KCNK7: variants seen among roughly 807,000 people sequenced by gnomAD.
The protein encoded by KCNK7 is potassium two pore domain channel subfamily K member 7.
A neutral mutation model predicts 18.1 loss-of-function variants in KCNK7; 14 were observed. That is an observed-to-expected ratio of 0.77 (90% CI 0.51 to 1.21). KCNK7 has a LOEUF of 1.21. Ranked by LOEUF, KCNK7 falls within the 50% of genes most tolerant of loss-of-function variation. The probability of loss-of-function intolerance (pLI) is 0.00; values close to 1 mark genes in which losing one functional copy is unlikely to be tolerated. For missense variants in KCNK7, 385 were observed against 387.3 expected, an observed-to-expected ratio of 0.99 and a Z score of 0.05; for synonymous variants, 188 against 184.7, an observed-to-expected ratio of 1.02 and a Z score of -0.15.
chr11:65,595,719 C>T lies in KCNK7; in HGVS notation c.54G>A (p.Leu18=), dbSNP rs1172287592. ...SRYGLLVVAH[L]LALGLGAVVF... is the part of the protein sequence containing the mutation. ...CCACAGCCCCAAGCCCCAGGGCCAGCAAGTGGGCCACAACCAGGAGCCCGT... is the reference window on the plus strand; with the variant it reads ...CCACAGCCCCAAGCCCCAGGGCCAGTAAGTGGGCCACAACCAGGAGCCCGT... The change falls in exon 1 of 3, where the codon TTG becomes TTA. Residue 18 remains leucine, a synonymous_variant. Transcript: ENST00000340313. 6.3e-7 allele frequency: 1 copy of T among 1,588,214 alleles called. No individual in the cohort carries two copies. The highest frequency in any genetic ancestry group is 1.1e-5 in the South Asian group (1 of 89,086).
At chr11:65,593,344 T>TA (rs1565138033) in intron 2 of KCNK7, 132 bp downstream of exon 2, 2 of 1,613,942 alleles carry the variant, frequency 1.2e-6, no homozygotes, top group Non-Finnish European at 1.7e-6. Flanking sequence ...GCTCTTCGAC[T>TA]ACCCCTCCCA....
Position 65,593,689 on chromosome 11 carries a change from G to A in KCNK7, c.505C>T (p.Leu169=), listed in dbSNP as rs1175824631. 2 of 1,607,194 alleles carry A rather than the reference G, an allele frequency of 1.2e-6. No homozygotes were observed. Among genetic ancestry groups the A allele is most frequent in the African/African-American group, 1.3e-5 (1 of 75,042 alleles). ...WQLSPARAAL[L]QAVALGLLVA... ...AGCAGTCCCAGTGCAACTGCCTGCAGCAGCGCAGCCCTGGCCGGTGACAGC... is the reference window on the plus strand; with the variant it reads ...AGCAGTCCCAGTGCAACTGCCTGCAACAGCGCAGCCCTGGCCGGTGACAGC... The change falls in exon 2 of 3, where the codon CTG becomes TTG. Residue 169 remains leucine, a synonymous_variant. Transcript: ENST00000340313.
intron 1 of KCNK7, 30 bp downstream of exon 1, chr11:65,595,423 AC>A (rs143930665): frequency 3.6e-6 from 5 of 1,407,646 alleles, no homozygotes; most frequent in Admixed American, 2.5e-5. Context: ...TTGGAGCCGC[AC>A]CCCCCGACTT....
rs1854331416 is a variant in KCNK7, at chr11:65,595,447, C to CT, written c.319+6dup. On this transcript the variant is annotated splice_region_variant and intron_variant, in intron 1 of 2. Transcript: ENST00000340313. ...CACCCCCCGACTTGGCTGCCTGGCT[C>CT]TCTTACCTGTGGTGGTGAGGATGCT... 2.1e-6 allele frequency: 3 copies of CT among 1,427,430 alleles called. No individual in the cohort carries two copies. Among genetic ancestry groups the CT allele is most frequent in the Non-Finnish European group, 1.9e-6 (2 of 1,076,218 alleles). 88.4% of individuals were successfully genotyped at this position (1,427,430 alleles called of 1,614,324 possible).
Position 65,593,553 on chromosome 11 carries a change from C to T in KCNK7, c.641G>A (p.Gly214Asp), listed in dbSNP as rs1858480114. 2 of 1,610,530 alleles carry T rather than the reference C, an allele frequency of 1.2e-6. No individual in the cohort carries two copies. The highest frequency in any genetic ancestry group is 1.1e-5 in the South Asian group (1 of 91,086). The part of the protein sequence containing the change: ...YFCFSSLSTI[G>D]LEDLLPGRGR... ...GCGGCCGGGCAGCAAGTCCTCCAGGCCAATGGTGCTGAGCGAGCTGAAGCA... is the reference window on the plus strand; with the variant it reads ...GCGGCCGGGCAGCAAGTCCTCCAGGTCAATGGTGCTGAGCGAGCTGAAGCA... Residue 214 changes from glycine (G) to aspartate (D), a missense_variant, in exon 2 of 3, where the codon GGC (glycine) becomes GAC (aspartate). By Grantham distance (94) the Gly-to-Asp change is moderately conservative. Coordinates refer to ENST00000340313, the MANE Select transcript of KCNK7 (RefSeq NM_033347.2).
chr11:65,593,446 C>T (rs748407027), intron 2 of KCNK7, 30 bp downstream of exon 2: 1 of 1,613,822 alleles, frequency 6.2e-7, no homozygotes, highest in Non-Finnish European at 8.5e-7. Flanking sequence ...TTCCCCCTTC[C>T]CCCACACGCT....
At chr11:65,594,821 G>A (rs1221685640) in intron 1 of KCNK7, among the ~76,000 whole-genome samples, 2 of 151,620 alleles carry the variant, frequency 1.3e-5, no homozygotes, top group African/African-American at 4.9e-5. Context: ...AGTGAGCCAA[G>A]ATCGCACCAC....
rs201986391 is a variant in KCNK7, at chr11:65,595,504, C to T, written c.269G>A (p.Trp90Ter). 4.0e-6 allele frequency: 6 copies of T among 1,517,678 alleles called. No individual in the cohort carries two copies. In the African/African-American group the frequency reaches 8.3e-5, roughly 21 times the overall value. The allele number at this position is 1,517,678 out of a possible 1,614,324, so 94.0% of individuals were successfully genotyped here. ...TLGNSSEGRTWDLPSALLFAA... is the reference protein window; with the variant it reads ...TLGNSSEGRT ...GAAGAGCAGGGCTGAGGGAAGGTCC[C>T]AGGTCCTGCCCTCTGAGCTGTTGCC... The change falls in exon 1 of 3, where the codon TGG becomes TAG. Residue 90 changes from tryptophan (W) to a stop codon, truncating the protein, a stop_gained. Transcript: ENST00000340313. LOFTEE classifies it high-confidence loss of function.
At chr11:65,593,949 C>T in intron 1 of KCNK7, 75 bp from the exon 2 acceptor site, 1 of 1,433,026 alleles carries the variant, frequency 7.0e-7, no homozygotes, top group East Asian at 2.4e-5. Flanking sequence ...TACCCCAATA[C>T]TGCCTTCCGC....
In KCNK7 at chr11:65,593,688, A is replaced by G. The variant is rs756729938; in HGVS notation, c.506T>C (p.Leu169Pro). Reference sequence around the variant, plus strand: ...CAGCAGTCCCAGTGCAACTGCCTGCAGCAGCGCAGCCCTGGCCGGTGACAG... The same window carrying G: ...CAGCAGTCCCAGTGCAACTGCCTGCGGCAGCGCAGCCCTGGCCGGTGACAG... ...WQLSPARAAL[L>P]QAVALGLLVA... is the part of the protein sequence containing the mutation. The change falls in exon 2 of 3, where the codon CTG (leucine) becomes CCG (proline). Residue 169 changes from leucine (L) to proline (P), a missense_variant. By Grantham distance (98) the Leu-to-Pro change is moderately conservative. Transcript: ENST00000340313. 1.2e-6 allele frequency: 2 copies of G among 1,607,246 alleles called. No homozygotes were observed.
At position 65,593,080 on chromosome 11, in the gene KCNK7, G is replaced by A; in HGVS notation, c.849C>T (p.Ile283=). Residue 283 remains isoleucine, a synonymous_variant, in exon 3 of 3, where the codon ATC becomes ATT. Coordinates refer to ENST00000340313, the MANE Select transcript of KCNK7 (RefSeq NM_033347.2). ...TCAGAGCCAGTTCATCCTGCCCTAG[G>A]ATGCCACCTTGGTCCTCAGCAGTCA... The part of the protein sequence containing the change: ...GPVTAEDQGG[I]LGQDELALST... The A allele has an allele frequency of 1.2e-6, 2 of 1,613,790 alleles. No individual in the cohort carries two copies.
rs758058773 is a variant in KCNK7, at chr11:65,593,165, G to T, written c.764C>A (p.Thr255Asn). 8.7e-6 allele frequency: 14 copies of T among 1,613,608 alleles called. No homozygotes were observed. The highest frequency in any genetic ancestry group is 1.1e-5 in the Non-Finnish European group (13 of 1,179,840). The change falls in exon 3 of 3, where the codon ACC becomes AAC. Residue 255 changes from threonine (T) to asparagine (N), a missense_variant. Thr to Asn is a moderately conservative substitution (Grantham distance 65). Transcript: ENST00000340313. ...ACGGACCTGCGGCAGCTCAGAGAAG[G>T]TCTCCACTGCCAGCAGCATGGCCAA... ...GLLAMLLAVE[T>N]FSELPQVRAM... is the part of the protein sequence containing the mutation.
rs1858474318 is a variant in KCNK7 at position 65,593,481 on chromosome 11, A to G, written c.713T>C (p.Leu238Pro). The G allele has an allele frequency of 6.2e-7, 1 of 1,613,658 alleles. No individual in the cohort carries two copies. The highest frequency in any genetic ancestry group is 1.3e-5 in the African/African-American group (1 of 74,962). ...TGTTAGGTGGCTGGACTTACCAAGA[A>G]GTGCGAGCTGGCCCAGGTGGTAAAT... is the stretch of plus-strand genomic sequence containing the variant. The part of the protein sequence containing the change: ...PVIYHLGQLA[L>P]LGYLLLGLLA... Residue 238 changes from leucine to proline, a missense_variant, in exon 2 of 3, where the codon CTT (leucine) becomes CCT (proline). Physicochemically the swap from Leu to Pro is moderately conservative, Grantham distance 98. Coordinates refer to ENST00000340313, the MANE Select transcript of KCNK7 (RefSeq NM_033347.2).
rs772052634 is a variant in KCNK7 at position 65,593,777 on chromosome 11, G to A, written c.417C>T (p.Thr139=). 1 of 1,610,508 alleles carries A rather than the reference G, an allele frequency of 6.2e-7. No individual in the cohort carries two copies. The highest frequency in any genetic ancestry group is 1.1e-5 in the South Asian group (1 of 90,900). ...GLPASLALVA[T]LRHCLLPVLS... ...GCACAGGCAGCAGGCAATGGCGCAG[G>A]GTGGCCACGAGAGCTAAGGAGGCTG... Residue 139 remains threonine, a synonymous_variant, in exon 2 of 3, where the codon ACC becomes ACT. Coordinates refer to ENST00000340313, the MANE Select transcript of KCNK7 (RefSeq NM_033347.2).
chr11:65,594,698 C>T (rs1324851554), intron 1 of KCNK7, among the ~76,000 whole-genome samples: 4 of 151,994 alleles, frequency 2.6e-5, no homozygotes, highest in African/African-American at 7.3e-5. Flanking sequence ...GGCAAAACCC[C>T]GTCTCTACTA....
In KCNK7 at chr11:65,593,182, C is replaced by A; in HGVS notation, c.747G>T (p.Met249Ile). The A allele has an allele frequency of 1.2e-6, 2 of 1,613,520 alleles. No homozygotes were observed. The highest frequency in any genetic ancestry group is 1.7e-6 in the Non-Finnish European group (2 of 1,179,746). Residue 249 changes from methionine (M) to isoleucine (I), a missense_variant, in exon 3 of 3, where the codon ATG becomes ATT. By Grantham distance (10) the Met-to-Ile change is conservative. Transcript: ENST00000340313. Reference sequence around the variant, plus strand: ...CAGAGAAGGTCTCCACTGCCAGCAGCATGGCCAAGAGTCCTAGAAGCAAGT... The same window carrying A: ...CAGAGAAGGTCTCCACTGCCAGCAGAATGGCCAAGAGTCCTAGAAGCAAGT... ...LGYLLLGLLA[M>I]LLAVETFSEL...
chr11:65,594,568 CA>C (rs968941655), intron 1 of KCNK7, among the ~76,000 whole-genome samples: 1 of 152,116 alleles, frequency 6.6e-6, no homozygotes, highest in Non-Finnish European at 1.5e-5. Context: ...CCTGATTTTC[CA>C]AAAGAAGTTG....
At chr11:65,594,922 C>T (rs113607693) in intron 1 of KCNK7, among the ~76,000 whole-genome samples, 2 of 152,240 alleles carry the variant, frequency 1.3e-5, no homozygotes, top group South Asian at 2.1e-4. Context: ...TACTGAGACA[C>T]TTTGTGGGGC....
In KCNK7 at chr11:65,593,753, C is replaced by T; in HGVS notation, c.441G>A (p.Val147=). 3 of 1,611,246 alleles carry T rather than the reference C, an allele frequency of 1.9e-6. No homozygotes were observed. In the South Asian group the frequency reaches 3.3e-5, roughly 18 times the overall value. Residue 147 remains valine (V), a synonymous_variant, in exon 2 of 3, where the codon GTG becomes GTA. Transcript: ENST00000340313. ...CTACCCAGGCACGTGGGCGGCTGAG[C>T]ACAGGCAGCAGGCAATGGCGCAGGG... ...VATLRHCLLP[V]LSRPRAWVAV... is the part of the protein sequence containing the mutation.
Sources: allele counts gnomAD v4.1 joint callset (sites outside exome capture counted in the v4.1 genomes callset), GRCh38; gene constraint gnomAD v4.1.1; transcripts MANE v1.5; gene names NCBI Gene and HGNC (gene_info 2026-07-23, HGNC 2026-07-21).